The following BARD1 variants were observed in gnomAD, a reference collection of about 807,000 sequenced individuals.
BARD1 encodes BRCA1 associated RING domain 1.
BARD1 carries 73 observed loss-of-function variants against 77.0 expected under a neutral mutation model. The ratio of observed to expected loss-of-function variants is 0.95; its 90% confidence interval spans 0.79 to 1.15. The LOEUF (loss-of-function observed/expected upper bound fraction) is 1.15, where lower values mean the gene tolerates loss of function less well. Ranked by LOEUF, BARD1 falls within the 50% of genes most tolerant of loss-of-function variation. The pLI is 0.00. For missense variants in BARD1, 993 were observed against 938.8 expected, an observed-to-expected ratio of 1.06 and a Z score of -0.75; for synonymous variants, 384 against 338.0, an observed-to-expected ratio of 1.14 and a Z score of -1.49.
intron 6 of BARD1, among the ~76,000 whole-genome samples, chr2:214,762,248 C>G (rs1050479444): frequency 1.3e-5 from 2 of 152,090 alleles, no homozygotes; most frequent in African/African-American, 4.8e-5. Context: ...TTATGAAACA[C>G]AGATAAATTT....
rs869312499 is a variant in BARD1 at position 214,791,577 on chromosome 2, G to T, written c.364+720C>A. 1.3e-5 allele frequency among the ~76,000 whole-genome samples: 2 copies of T among 152,094 alleles called. No homozygotes were observed. Among genetic ancestry groups the T allele is most frequent in the African/African-American group, 2.4e-5 (1 of 41,432 alleles). ...TTAGTTCTCAGCAGAAAGCACAATGGAAAGATACACAGTTAATACACAGAG... is the reference window on the plus strand; with the variant it reads ...TTAGTTCTCAGCAGAAAGCACAATGTAAAGATACACAGTTAATACACAGAG... On this transcript the variant is annotated intron_variant, in intron 3 of 10. Transcript: ENST00000260947.
intron 9 of BARD1, 39 bp from the exon 10 acceptor site, chr2:214,730,547 A>G (rs776976800): frequency 6.0e-6 from 9 of 1,490,950 alleles, no homozygotes; most frequent in Non-Finnish European, 8.4e-6. Flanking sequence ...CTAAGTATCA[A>G]GTGAGCACTA....
At chr2:214,732,673 G>T (rs138969245) in intron 9 of BARD1, among the ~76,000 whole-genome samples, 2,845 of 152,314 alleles carry the variant, frequency 0.019, 43 homozygotes, top group Non-Finnish European at 0.03. Flanking sequence ...GGGATTACAG[G>T]CGTGAACCAC....
chr2:214,741,370 C>T (rs1268073734), intron 9 of BARD1, among the ~76,000 whole-genome samples: 2 of 151,856 alleles, frequency 1.3e-5, no homozygotes, highest in Admixed American at 1.3e-4. Context: ...GAAAAAAAGG[C>T]TAAGATACAA....
At chr2:214,756,356 C>T (rs910773143) in intron 6 of BARD1, among the ~76,000 whole-genome samples, 1 of 152,154 alleles carries the variant, frequency 6.6e-6, no homozygotes, top group African/African-American at 2.4e-5. Flanking sequence ...ATGTGGTAAA[C>T]AGGGAACACT....
intron 2 of BARD1, among the ~76,000 whole-genome samples, chr2:214,796,443 G>A (rs145781398): frequency 3.3e-5 from 5 of 152,306 alleles, no homozygotes; most frequent in East Asian, 3.9e-4. Context: ...TTGACACAGA[G>A]AGAAGCAAGC....
At chr2:214,794,402 A>G (rs1695665488) in intron 2 of BARD1, among the ~76,000 whole-genome samples, 1 of 152,206 alleles carries the variant, frequency 6.6e-6, no homozygotes. Flanking sequence ...TCAATCAAAA[A>G]AGTATCACAA....
chr2:214,787,353 G>A (rs947034725), intron 3 of BARD1, among the ~76,000 whole-genome samples: 1 of 151,740 alleles, frequency 6.6e-6, no homozygotes, highest in Non-Finnish European at 1.5e-5. Context: ...TATTCATCTG[G>A]TAATAATAAC....
rs531833402 is a variant in BARD1, at chr2:214,727,176, G to T, written c.*1500C>A. 4.5e-5 allele frequency: 10 copies of T among 221,522 alleles called. 1 individual carries two copies. In the South Asian group the frequency reaches 1.9e-3, roughly 41 times the overall value. The allele number at this position is 221,522 out of a possible 1,614,324, so 13.7% of individuals were successfully genotyped here. A position where few individuals can be genotyped will look rare whatever the true frequency, so the allele number is the denominator to read the frequency against. On this transcript the variant is annotated 3_prime_UTR_variant, in exon 11 of 11. Coordinates refer to ENST00000260947, the MANE Select transcript of BARD1 (RefSeq NM_000465.4). ...CACCCAGCAAGGTCAGGGTCAAAAG[G>T]TTATTATTTTGTTCATATATTTCTT...
rs112748495 is a variant in BARD1, at chr2:214,752,848, A to G, written c.1569-293T>C. ...TATGGCTTCATAATCACCAATCACT[A>G]TAAGTGACAGACTTTCAAATGCCAA... On this transcript the variant is annotated intron_variant, in intron 6 of 10. Coordinates refer to ENST00000260947, the MANE Select transcript of BARD1 (RefSeq NM_000465.4). Among the ~76,000 whole-genome samples, 1,058 of 152,296 alleles carry G rather than the reference A, an allele frequency of 6.9e-3. 9 individuals are homozygous for G. Among genetic ancestry groups the G allele is most frequent in the African/African-American group, 0.024 (982 of 41,566 alleles).
intron 4 of BARD1, among the ~76,000 whole-genome samples, chr2:214,775,990 G>A (rs1198742785): frequency 6.6e-6 from 1 of 152,150 alleles, no homozygotes; most frequent in South Asian, 2.1e-4. Context: ...AACTCTAAAT[G>A]AGACTCCTCA....
rs786203474 is a variant in BARD1 at position 214,728,884 on chromosome 2, G to A, written c.2126C>T (p.Pro709Leu). 1 of 1,614,168 alleles carries A rather than the reference G, an allele frequency of 6.2e-7. No homozygotes were observed. Among genetic ancestry groups the A allele is most frequent in the Non-Finnish European group, 8.5e-7 (1 of 1,180,028 alleles). The change falls in exon 11 of 11, where the codon CCA becomes CTA. Residue 709 changes from proline to leucine, a missense_variant. Physicochemically the swap from Pro to Leu is moderately conservative, Grantham distance 98 (BLOSUM62 -3). Coordinates refer to ENST00000260947, the MANE Select transcript of BARD1 (RefSeq NM_000465.4). ...GATGGTCTGAGTCACGTCACTGTCT[G>A]GCTTGGGCTTTCTACTGAGGATCTG... ...GGQILSRKPKPDSDVTQTINT... is the reference protein window; with the variant it reads ...GGQILSRKPKLDSDVTQTINT...
chr2:214,797,186 C>A (rs1182190945), intron 1 of BARD1, 69 bp from the exon 2 acceptor site: 3 of 1,222,448 alleles, frequency 2.5e-6, no homozygotes, highest in Non-Finnish European at 3.6e-6. Context: ...CCCAATATTT[C>A]ATCCAAGGCC....
At chr2:214,759,913 T>C (rs1182886052) in intron 6 of BARD1, among the ~76,000 whole-genome samples, 2 of 152,198 alleles carry the variant, frequency 1.3e-5, no homozygotes, top group African/African-American at 4.8e-5. Flanking sequence ...TTGCCTTGCC[T>C]TATAAGGTTT....
intron 9 of BARD1, among the ~76,000 whole-genome samples, chr2:214,742,404 G>A (rs567511689): frequency 6.6e-6 from 1 of 152,186 alleles, no homozygotes; most frequent in African/African-American, 2.4e-5. Context: ...ATATATATTA[G>A]GAAAGAACTA....
intron 3 of BARD1, among the ~76,000 whole-genome samples, chr2:214,785,894 T>C (rs1441251701): frequency 6.6e-6 from 1 of 151,946 alleles, no homozygotes; most frequent in African/African-American, 2.4e-5. Flanking sequence ...TCTTACAATA[T>C]GTTTTGTTAT....
chr2:214,784,824 AAT>A (rs1265405773), intron 3 of BARD1, among the ~76,000 whole-genome samples: 2 of 152,166 alleles, frequency 1.3e-5, no homozygotes, highest in Non-Finnish European at 2.9e-5. Flanking sequence ...GGAGGTGAAC[AAT>A]GAGAACACAT....
At chr2:214,769,004 T>G (rs1394049219) in intron 5 of BARD1, among the ~76,000 whole-genome samples, 2 of 152,236 alleles carry the variant, frequency 1.3e-5, no homozygotes, top group African/African-American at 4.8e-5. Context: ...ACAGTACAAA[T>G]GGATTCCTAA....
chr2:214,745,893 A>G (rs748222239), intron 7 of BARD1, 39 bp from the exon 8 acceptor site: 4 of 1,608,926 alleles, frequency 2.5e-6, no homozygotes, highest in Non-Finnish European at 3.4e-6. Flanking sequence ...TAAAAACATT[A>G]GACGACTAGA....
Sources: allele counts gnomAD v4.1 joint callset (sites outside exome capture counted in the v4.1 genomes callset), GRCh38; gene constraint gnomAD v4.1.1; transcripts MANE v1.5; gene names NCBI Gene and HGNC (gene_info 2026-07-23, HGNC 2026-07-21).